The following LRRC4C variants were observed in gnomAD, a reference collection of about 807,000 sequenced individuals.
The protein encoded by LRRC4C is leucine rich repeat containing 4C.
LRRC4C carries 5 observed loss-of-function variants against 33.6 expected under a neutral mutation model. The observed-to-expected ratio is 0.15, with a 90% CI of 0.08 to 0.31. The LOEUF (loss-of-function observed/expected upper bound fraction) is 0.31. LRRC4C is among the 10% of genes least tolerant of loss of function. LRRC4C has a pLI of 1.00. For missense variants in LRRC4C, 560 were observed against 796.7 expected (o/e 0.70, Z 3.58); for synonymous variants, 329 against 302.0 (o/e 1.09, Z -0.93).
chr11:40,436,886 C>A (rs1202761650), intron 3 of LRRC4C, among the ~76,000 whole-genome samples: 1 of 152,026 alleles, frequency 6.6e-6, no homozygotes, highest in Non-Finnish European at 1.5e-5. Context: ...GAAAGCCTGA[C>A]TGAGAGGCTG....
At chr11:41,333,979 C>G (rs546513077) in intron 1 of LRRC4C, among the ~76,000 whole-genome samples, 1 of 152,076 alleles carries the variant, frequency 6.6e-6, no homozygotes, top group South Asian at 2.1e-4. Flanking sequence ...GGGTTGTTTT[C>G]TAGAAAATTT....
chr11:41,000,298 A>G (rs949064549), intron 1 of LRRC4C, among the ~76,000 whole-genome samples: 2 of 152,164 alleles, frequency 1.3e-5, no homozygotes, highest in Non-Finnish European at 2.9e-5. Flanking sequence ...GAATGAAAAG[A>G]TTTTGAAAGG....
chr11:41,395,091 T>C (rs1953752895), intron 1 of LRRC4C, among the ~76,000 whole-genome samples: 1 of 151,872 alleles, frequency 6.6e-6, no homozygotes, highest in African/African-American at 2.4e-5. Flanking sequence ...GACACAATCC[T>C]GGTTTAAATA....
intron 1 of LRRC4C, among the ~76,000 whole-genome samples, chr11:41,365,177 A>G (rs949385365): frequency 6.6e-6 from 1 of 152,090 alleles, no homozygotes; most frequent in African/African-American, 2.4e-5. Flanking sequence ...CCTCCTGTCA[A>G]GTTAGTGGAG....
chr11:41,116,695 C>T (rs1423269328), intron 1 of LRRC4C, among the ~76,000 whole-genome samples: 2 of 152,030 alleles, frequency 1.3e-5, no homozygotes, highest in Admixed American at 6.6e-5. Context: ...TCTTAAAACC[C>T]TCCATTAATT....
intron 1 of LRRC4C, among the ~76,000 whole-genome samples, chr11:41,303,553 C>G (rs1412019036): frequency 1.9e-4 from 16 of 86,444 alleles, no homozygotes; most frequent in African/African-American, 7.0e-4. Context: ...CGCCCATCGT[C>G]TGGGATGTGA....
chr11:40,881,054 T>C (rs1237046227), intron 2 of LRRC4C, among the ~76,000 whole-genome samples: 2 of 151,932 alleles, frequency 1.3e-5, no homozygotes, highest in Non-Finnish European at 2.9e-5. Context: ...ATTATTTCAG[T>C]TACATAGATT....
At chr11:41,320,053 T>C (rs1045422219) in intron 1 of LRRC4C, among the ~76,000 whole-genome samples, 1 of 152,196 alleles carries the variant, frequency 6.6e-6, no homozygotes, top group Non-Finnish European at 1.5e-5. Flanking sequence ...TAAAAAAGTA[T>C]AGAATTTTGA....
intron 4 of LRRC4C, among the ~76,000 whole-genome samples, chr11:40,244,328 G>A (rs1477804858): frequency 3.3e-5 from 5 of 151,896 alleles, no homozygotes; most frequent in African/African-American, 9.7e-5. Flanking sequence ...AATCCTCTGT[G>A]TCCTCTCTCT....
intron 2 of LRRC4C, among the ~76,000 whole-genome samples, chr11:40,923,074 C>T (rs1212370123): frequency 6.6e-6 from 1 of 152,202 alleles, no homozygotes; most frequent in East Asian, 1.9e-4. Flanking sequence ...ATCTGCCCCC[C>T]TCAGCCTCCC....
intron 3 of LRRC4C, among the ~76,000 whole-genome samples, chr11:40,464,861 T>C (rs1036700868): frequency 6.6e-6 from 1 of 151,976 alleles, no homozygotes; most frequent in African/African-American, 2.4e-5. Flanking sequence ...ATTGGAAGAA[T>C]CAATATTGTT....
chr11:40,895,073 C>T (rs902640663), intron 2 of LRRC4C, among the ~76,000 whole-genome samples: 1 of 151,928 alleles, frequency 6.6e-6, no homozygotes, highest in South Asian at 2.1e-4. Flanking sequence ...TTATTGGTCA[C>T]TCTTGTTACC....
At position 40,517,027 on chromosome 11, in the gene LRRC4C, C is replaced by A. The variant is rs187779134; in HGVS notation, c.-270+131115G>T. Among the ~76,000 whole-genome samples the A allele has an allele frequency of 1.7e-4, 26 of 152,212 alleles. 1 individual carries two copies. The highest frequency in any genetic ancestry group is 6.0e-4 in the African/African-American group (25 of 41,544). On this transcript the variant is annotated intron_variant, in intron 3 of 6. Transcript: ENST00000528697. ...CTGACCAGTATGGAGCATGGTTATA[C>A]AATGGTCAGTTCCTATTCATACTGG...
rs1373162537 is a variant in LRRC4C at position 41,272,520 on chromosome 11, G to A, written c.-496+186911C>T. On this transcript the variant is annotated intron_variant, in intron 1 of 6. Transcript: ENST00000528697. The stretch of plus-strand genomic sequence containing the variant: ...CTACAGAGAAGAAAGTTATATTTAA[G>A]ATGAATTGAATGAAGTATTTCAATT... Among the ~76,000 whole-genome samples the A allele has an allele frequency of 6.6e-5, 10 of 152,186 alleles. No homozygotes were observed. In the South Asian group the frequency reaches 1.7e-3, roughly 25 times the overall value.
chr11:40,340,473 G>T (rs912753440), intron 3 of LRRC4C, among the ~76,000 whole-genome samples: 4 of 152,156 alleles, frequency 2.6e-5, no homozygotes, highest in Non-Finnish European at 4.4e-5. Context: ...AGGAATGTAT[G>T]TGTAGTGGGG....
intron 5 of LRRC4C, among the ~76,000 whole-genome samples, chr11:40,204,693 T>TAAC (rs1863016813): frequency 6.6e-6 from 1 of 152,180 alleles, no homozygotes; most frequent in Non-Finnish European, 1.5e-5. Context: ...GACTTCCCCT[T>TAAC]AACAACCTCC....
At chr11:40,800,476 C>T (rs141538627) in intron 2 of LRRC4C, among the ~76,000 whole-genome samples, 199 of 152,264 alleles carry the variant, frequency 1.3e-3, no homozygotes, top group African/African-American at 4.3e-3. Context: ...TCGCCCTTTT[C>T]CGAAGTTACC....
At chr11:40,424,697 T>A (rs935766463) in intron 3 of LRRC4C, among the ~76,000 whole-genome samples, 1 of 152,198 alleles carries the variant, frequency 6.6e-6, no homozygotes, top group African/African-American at 2.4e-5. Flanking sequence ...CAATATGGAA[T>A]GATGTCAAGT....
At chr11:40,724,268 T>C (rs930299206) in intron 2 of LRRC4C, among the ~76,000 whole-genome samples, 28 of 152,172 alleles carry the variant, frequency 1.8e-4, no homozygotes, top group African/African-American at 6.5e-4. Context: ...CTAATAGACA[T>C]TGGCAGAATA....
Sources: allele counts gnomAD v4.1 joint callset (sites outside exome capture counted in the v4.1 genomes callset), GRCh38; gene constraint gnomAD v4.1.1; transcripts MANE v1.5; gene names NCBI Gene and HGNC (gene_info 2026-07-23, HGNC 2026-07-21).